The following HS3ST4 variants were observed in gnomAD, a reference collection of about 807,000 sequenced individuals.
The protein encoded by HS3ST4 is heparan sulfate glucosamine 3-O-sulfotransferase 4.
HS3ST4 carries 17 observed loss-of-function variants against 29.2 expected under a neutral mutation model. That is an observed-to-expected ratio of 0.58 (90% CI 0.40 to 0.87). HS3ST4 has a LOEUF of 0.87. HS3ST4 is among the 40% of genes least tolerant of loss of function. The pLI is 0.00. For missense variants in HS3ST4, 627 were observed against 634.5 expected (o/e 0.99, Z 0.13); for synonymous variants, 314 against 285.7 (o/e 1.10, Z -1.00).
chr16:25,731,284 G>T (rs938504001), intron 1 of HS3ST4, among the ~76,000 whole-genome samples: 1 of 152,166 alleles, frequency 6.6e-6, no homozygotes, highest in Non-Finnish European at 1.5e-5. Context: ...ATATCACATT[G>T]TTAGCATAAA....
chr16:26,066,794 C>T (rs904174968), intron 1 of HS3ST4, among the ~76,000 whole-genome samples: 1 of 152,232 alleles, frequency 6.6e-6, no homozygotes, highest in African/African-American at 2.4e-5. Flanking sequence ...ATGAGAGCCT[C>T]ACTCTACATT....
At chr16:25,910,959 C>A (rs1025344698) in intron 1 of HS3ST4, among the ~76,000 whole-genome samples, 1 of 152,144 alleles carries the variant, frequency 6.6e-6, no homozygotes, top group Non-Finnish European at 1.5e-5. Flanking sequence ...CCTGCCCAGT[C>A]TGAAAGGCTT....
intron 1 of HS3ST4, among the ~76,000 whole-genome samples, chr16:25,927,260 G>C (rs888044153): frequency 7.9e-5 from 12 of 152,270 alleles, no homozygotes; most frequent in Admixed American, 7.8e-4. Flanking sequence ...GAGCTTACTA[G>C]AAAAACTGAA....
chr16:25,778,575 G>T (rs1002178071), intron 1 of HS3ST4, among the ~76,000 whole-genome samples: 3 of 152,236 alleles, frequency 2.0e-5, no homozygotes, highest in African/African-American at 7.2e-5. Context: ...TATTTTTAAA[G>T]ATGTGATTAA....
At chr16:25,733,977 A>G (rs1384897818) in intron 1 of HS3ST4, among the ~76,000 whole-genome samples, 1 of 152,090 alleles carries the variant, frequency 6.6e-6, no homozygotes, top group African/African-American at 2.4e-5. Context: ...ATTAGTTGGG[A>G]GTGGTGGCAT....
intron 1 of HS3ST4, among the ~76,000 whole-genome samples, chr16:26,070,958 A>T (rs1242090301): frequency 6.6e-6 from 1 of 152,200 alleles, no homozygotes; most frequent in Admixed American, 6.5e-5. Context: ...TCCTCTGGGG[A>T]GACATTCTTC....
chr16:26,132,473 G>T (rs576537223), intron 1 of HS3ST4, among the ~76,000 whole-genome samples: 1 of 148,652 alleles, frequency 6.7e-6, no homozygotes, highest in Non-Finnish European at 1.5e-5. Context: ...TGTCTCCAAA[G>T]CCTTCTGCAA....
At chr16:26,046,104 A>G (rs1166367614) in intron 1 of HS3ST4, among the ~76,000 whole-genome samples, 1 of 150,830 alleles carries the variant, frequency 6.6e-6, no homozygotes, top group East Asian at 1.9e-4. Context: ...TTGCTGCACA[A>G]GTTTTGGCTG....
chr16:26,114,224 G>A (rs1899172177), intron 1 of HS3ST4, among the ~76,000 whole-genome samples: 1 of 152,144 alleles, frequency 6.6e-6, no homozygotes, highest in Admixed American at 6.5e-5. Flanking sequence ...GAAACCCAGG[G>A]ATCCACAGGG....
intron 1 of HS3ST4, among the ~76,000 whole-genome samples, chr16:25,950,486 C>T (rs1224367285): frequency 1.3e-5 from 2 of 151,890 alleles, no homozygotes; most frequent in African/African-American, 2.4e-5. Context: ...AATGGATGGT[C>T]GGATGGATGA....
intron 1 of HS3ST4, among the ~76,000 whole-genome samples, chr16:25,903,339 A>ATATTATATACATATGTATATGTATC (rs1968140208): frequency 7.0e-6 from 1 of 142,212 alleles, no homozygotes; most frequent in Non-Finnish European, 1.5e-5. Context: ...GTATATGTAT[A>ATATTATATACATATGTATATGTATC]TATTATATAT....
At chr16:25,973,046 G>T (rs1234220782) in intron 1 of HS3ST4, among the ~76,000 whole-genome samples, 1 of 152,184 alleles carries the variant, frequency 6.6e-6, no homozygotes, top group Non-Finnish European at 1.5e-5. Context: ...AATTATAAAT[G>T]GGTTCTTCCT....
chr16:25,748,447 C>T (rs1306378957), intron 1 of HS3ST4, among the ~76,000 whole-genome samples: 8 of 152,162 alleles, frequency 5.3e-5, no homozygotes, highest in African/African-American at 1.9e-4. Flanking sequence ...CTCCTACCTT[C>T]CCACCCCCAC....
intron 1 of HS3ST4, among the ~76,000 whole-genome samples, chr16:25,720,252 G>T (rs1330305387): frequency 1.3e-5 from 2 of 152,184 alleles, no homozygotes; most frequent in African/African-American, 2.4e-5. Flanking sequence ...TTGAGAGGCT[G>T]CAAGGAGGTC....
intron 1 of HS3ST4, among the ~76,000 whole-genome samples, chr16:25,828,639 C>T (rs1305442956): frequency 6.6e-6 from 1 of 152,042 alleles, no homozygotes; most frequent in African/African-American, 2.4e-5. Context: ...CTGTGCCTGG[C>T]CCCCGATAAG....
chr16:26,077,686 G>A (rs1898678445), intron 1 of HS3ST4, among the ~76,000 whole-genome samples: 1 of 152,196 alleles, frequency 6.6e-6, no homozygotes, highest in African/African-American at 2.4e-5. Flanking sequence ...GTGAGTATTG[G>A]TAGCATGCAT....
chr16:25,879,606 A>G (rs1356475347), intron 1 of HS3ST4, among the ~76,000 whole-genome samples: 1 of 152,036 alleles, frequency 6.6e-6, no homozygotes, highest in African/African-American at 2.4e-5. Flanking sequence ...CGCTCCCACA[A>G]CATGTGGGAA....
chr16:25,966,154 G>A (rs991380517), intron 1 of HS3ST4, among the ~76,000 whole-genome samples: 14 of 152,170 alleles, frequency 9.2e-5, no homozygotes, highest in Admixed American at 3.3e-4. Context: ...CTTCACAGGT[G>A]TAGCAACTGA....
At chr16:26,101,249 G>A (rs1351309484) in intron 1 of HS3ST4, among the ~76,000 whole-genome samples, 1 of 152,150 alleles carries the variant, frequency 6.6e-6, no homozygotes, top group African/African-American at 2.4e-5. Flanking sequence ...CCTTATACCT[G>A]GAATGCTATT....
Sources: allele counts gnomAD v4.1 joint callset (sites outside exome capture counted in the v4.1 genomes callset), GRCh38; gene constraint gnomAD v4.1.1; transcripts MANE v1.5; gene names NCBI Gene and HGNC (gene_info 2026-07-23, HGNC 2026-07-21).